PPFIBP1: variants seen among roughly 807,000 people sequenced by gnomAD.
PPFIBP1 encodes PPFIB scaffold protein 1.
A neutral mutation model predicts 137.8 loss-of-function variants in PPFIBP1; 112 were observed. That is an observed-to-expected ratio of 0.81 (90% CI 0.70 to 0.95). The LOEUF is 0.95. PPFIBP1 is among the 40% of genes least tolerant of loss of function. The pLI, the probability that PPFIBP1 is intolerant of heterozygous loss-of-function variation, is 0.00. For synonymous variants in PPFIBP1, 378 were observed against 417.3 expected (o/e 0.91, Z 1.15); for missense variants, 1,083 against 1,196.6 (o/e 0.91, Z 1.40).
At chr12:27,664,554 T>G (rs996069482) in intron 12 of PPFIBP1, 108 bp downstream of exon 12, 7 of 735,284 alleles carry the variant, frequency 9.5e-6, no homozygotes, top group African/African-American at 1.8e-5. Context: ...TGTCCCAAAT[T>G]AGGTAGCTAA....
chr12:27,544,682 C>T (rs994964738), intron 1 of PPFIBP1, among the ~76,000 whole-genome samples: 1 of 152,080 alleles, frequency 6.6e-6, no homozygotes. Context: ...CAAATGAAAA[C>T]CACAATGAGA....
chr12:27,632,834 G>A (rs528016033), intron 2 of PPFIBP1, among the ~76,000 whole-genome samples: 50 of 152,248 alleles, frequency 3.3e-4, no homozygotes, highest in South Asian at 2.3e-3. Flanking sequence ...ACTACAAAAT[G>A]TTTAGTATCA....
intron 1 of PPFIBP1, among the ~76,000 whole-genome samples, chr12:27,549,801 C>T (rs1393906550): frequency 6.6e-6 from 1 of 152,220 alleles, no homozygotes; most frequent in East Asian, 1.9e-4. Flanking sequence ...GCCCCGCCCT[C>T]TCCCCTTCTT....
intron 2 of PPFIBP1, among the ~76,000 whole-genome samples, chr12:27,624,257 C>G (rs2056610991): frequency 6.6e-6 from 1 of 152,152 alleles, no homozygotes; most frequent in Non-Finnish European, 1.5e-5. Context: ...AACAATATGG[C>G]TTTTAGACTC....
At chr12:27,564,762 C>CCTCT (rs2049496763) in intron 1 of PPFIBP1, among the ~76,000 whole-genome samples, 1 of 152,158 alleles carries the variant, frequency 6.6e-6, no homozygotes, top group Admixed American at 6.5e-5. Context: ...TCTCTCCCTC[C>CCTCT]CTCTTCCTAA....
intron 8 of PPFIBP1, among the ~76,000 whole-genome samples, chr12:27,656,004 A>G (rs1320060964): frequency 2.0e-5 from 3 of 152,258 alleles, no homozygotes; most frequent in African/African-American, 7.2e-5. Context: ...TTGTATAGTT[A>G]AAAATTAAAA....
intron 1 of PPFIBP1, among the ~76,000 whole-genome samples, chr12:27,537,741 G>A (rs67992105): frequency 2.0e-5 from 3 of 151,664 alleles, no homozygotes; most frequent in Non-Finnish European, 4.4e-5. Flanking sequence ...TCCTGCGCTG[G>A]TGCCTTAAAG....
At chr12:27,668,913 C>A (rs1331226053) in intron 13 of PPFIBP1, among the ~76,000 whole-genome samples, 1 of 152,172 alleles carries the variant, frequency 6.6e-6, no homozygotes, top group African/African-American at 2.4e-5. Context: ...ATCCTTGGCT[C>A]ACCTGAAGAC....
intron 4 of PPFIBP1, among the ~76,000 whole-genome samples, chr12:27,643,941 A>G (rs1412788877): frequency 3.4e-5 from 5 of 145,910 alleles, no homozygotes; most frequent in African/African-American, 1.3e-4. Context: ...GCCAATTTTC[A>G]GTATCTGTTT....
chr12:27,595,881 AACAAAATATATATATAT>A (rs1367913153), intron 2 of PPFIBP1, among the ~76,000 whole-genome samples: 2 of 32,522 alleles, frequency 6.1e-5, no homozygotes, highest in African/African-American at 1.2e-4. Flanking sequence ...CAACAACAAC[AACAAAATATATATATAT>A]ATATATATAT....
chr12:27,649,907 C>T (rs1161742477), intron 6 of PPFIBP1, 103 bp from the exon 7 acceptor site: 13 of 1,045,808 alleles, frequency 1.2e-5, no homozygotes, highest in Non-Finnish European at 1.8e-5. Flanking sequence ...TTCACTATAT[C>T]CTCTACTTGA....
At chr12:27,564,123 G>A (rs920010098) in intron 1 of PPFIBP1, among the ~76,000 whole-genome samples, 2 of 152,068 alleles carry the variant, frequency 1.3e-5, no homozygotes, top group African/African-American at 2.4e-5. Flanking sequence ...CGCCTGCCTC[G>A]GCCTCCCAAA....
intron 24 of PPFIBP1, 93 bp downstream of exon 24, chr12:27,682,796 A>G (rs1295981996): frequency 6.3e-7 from 1 of 1,580,142 alleles, no homozygotes; most frequent in Non-Finnish European, 8.6e-7. Flanking sequence ...GTTTTCAGTG[A>G]TTCCACCAGA....
chr12:27,646,326 C>A (rs1029137275), intron 5 of PPFIBP1, 178 bp downstream of exon 5: 1 of 647,200 alleles, frequency 1.5e-6, no homozygotes, highest in Non-Finnish European at 2.9e-6. Flanking sequence ...TGTTTACACC[C>A]AGTTTAAAAG....
intron 2 of PPFIBP1, among the ~76,000 whole-genome samples, chr12:27,581,710 A>T (rs2051136294): frequency 6.6e-6 from 1 of 152,208 alleles, no homozygotes; most frequent in African/African-American, 2.4e-5. Flanking sequence ...ACTAAAAATT[A>T]TAAAAATACT....
At chr12:27,617,231 C>T (rs2055860793) in intron 2 of PPFIBP1, among the ~76,000 whole-genome samples, 1 of 152,136 alleles carries the variant, frequency 6.6e-6, no homozygotes. Flanking sequence ...ATAAACACCC[C>T]ATTAAGTAGA....
chr12:27,663,538 G>A (rs2059676446), intron 11 of PPFIBP1, among the ~76,000 whole-genome samples: 1 of 152,020 alleles, frequency 6.6e-6, no homozygotes, highest in Admixed American at 6.6e-5. Flanking sequence ...CCATATGGAG[G>A]TCAAATTAGA....
chr12:27,598,466 G>T (rs1379334880), intron 2 of PPFIBP1, among the ~76,000 whole-genome samples: 2 of 152,076 alleles, frequency 1.3e-5, no homozygotes, highest in Non-Finnish European at 2.9e-5. Flanking sequence ...CAACACCAGA[G>T]AATTATGGGA....
chr12:27,624,246 G>A (rs185807651), intron 2 of PPFIBP1, among the ~76,000 whole-genome samples: 45 of 152,236 alleles, frequency 3.0e-4, no homozygotes, highest in Admixed American at 2.6e-3. Flanking sequence ...GCATATGTGG[G>A]AACAATATGG....
Sources: allele counts gnomAD v4.1 joint callset (sites outside exome capture counted in the v4.1 genomes callset), GRCh38; gene constraint gnomAD v4.1.1; transcripts MANE v1.5; gene names NCBI Gene and HGNC (gene_info 2026-07-23, HGNC 2026-07-21).